RORA: variants seen among roughly 807,000 people sequenced by gnomAD.
RORA encodes the protein RAR related orphan receptor A.
In RORA, 7 loss-of-function variants were observed where a neutral mutation model predicts 69.5. The ratio of observed to expected loss-of-function variants is 0.10; its 90% CI spans 0.06 to 0.19. The LOEUF (loss-of-function observed/expected upper bound fraction) is 0.19. RORA is among the 10% of genes least tolerant of loss of function. RORA has a pLI of 1.00. For synonymous variants in RORA, 261 were observed against 240.8 expected (o/e 1.08, Z -0.78); for missense variants, 457 against 663.0 (o/e 0.69, Z 3.41).
chr15:60,579,269 T>G (rs1303882431), intron 2 of RORA, among the ~76,000 whole-genome samples: 2 of 152,134 alleles, frequency 1.3e-5, no homozygotes, highest in African/African-American at 4.8e-5. Flanking sequence ...GGTTTTTATC[T>G]CTTGGAGCTT....
At chr15:60,650,685 G>C (rs943531060) in intron 2 of RORA, 2 of 152,166 alleles carry the variant, frequency 1.3e-5, no homozygotes, top group Non-Finnish European at 2.9e-5. Flanking sequence ...TTCCACTCAG[G>C]AGTTTGCAAT....
chr15:61,108,127 G>T (rs2078969167), intron 1 of RORA, among the ~76,000 whole-genome samples: 1 of 152,098 alleles, frequency 6.6e-6, no homozygotes, highest in Non-Finnish European at 1.5e-5. Context: ...TATCTCCTCT[G>T]GTTCTATTCC....
At chr15:60,898,726 A>C (rs1038743993) in intron 1 of RORA, among the ~76,000 whole-genome samples, 1 of 152,052 alleles carries the variant, frequency 6.6e-6, no homozygotes, top group Admixed American at 6.5e-5. Flanking sequence ...TGGAGGCAGG[A>C]AAGGCAGAAC....
chr15:61,015,265 T>C (rs2140402143), intron 1 of RORA, among the ~76,000 whole-genome samples: 1 of 152,282 alleles, frequency 6.6e-6, no homozygotes, highest in East Asian at 1.9e-4. Flanking sequence ...TCCAAGGATT[T>C]GGGGAGGGAC....
Position 61,005,981 on chromosome 15 carries a change from T to A in RORA, c.166+223072A>T, listed in dbSNP as rs547454053. Among the ~76,000 whole-genome samples the A allele has an allele frequency of 2.5e-3, 369 of 149,704 alleles. 2 individuals are homozygous for A. Among genetic ancestry groups the A allele is most frequent in the African/African-American group, 8.6e-3 (352 of 40,840 alleles). On this transcript the variant is annotated intron_variant, in intron 1 of 10. Transcript: ENST00000335670. ...TTTGTTTTGTTTTGTTTTGTTTTGTTTTTTTTGAGAAGGAGTCTCGCTCTG... is the reference window on the plus strand; with the variant it reads ...TTTGTTTTGTTTTGTTTTGTTTTGTATTTTTTGAGAAGGAGTCTCGCTCTG...
At chr15:60,790,380 G>A (rs1022192201) in intron 1 of RORA, among the ~76,000 whole-genome samples, 10 of 152,210 alleles carry the variant, frequency 6.6e-5, no homozygotes, top group African/African-American at 2.4e-4. Flanking sequence ...GATGTTGAAG[G>A]GAAGTGCACC....
intron 2 of RORA, among the ~76,000 whole-genome samples, chr15:60,614,714 C>T (rs1471836686): frequency 6.6e-6 from 1 of 152,162 alleles, no homozygotes; most frequent in Non-Finnish European, 1.5e-5. Context: ...ACCCACTAGC[C>T]ATGTGTGCTG....
chr15:61,172,091 T>C lies in RORA; in HGVS notation c.166+56962A>G, dbSNP rs796585111. On this transcript the variant is annotated intron_variant, in intron 1 of 10. Coordinates refer to ENST00000335670, the MANE Select transcript of RORA (RefSeq NM_134261.3). ...AGAAGCATTTTATGAGAACAATATA[T>C]ATTGTAGACATCTGAATATATTTCC... Among the ~76,000 whole-genome samples, 6 of 152,196 alleles carry C rather than the reference T, an allele frequency of 3.9e-5. No individual in the cohort carries two copies. In the South Asian group the frequency reaches 1.0e-3, roughly 26 times the overall value.
At chr15:60,499,462 CAGA>C (rs2065264108) in intron 10 of RORA, among the ~76,000 whole-genome samples, 1 of 152,164 alleles carries the variant, frequency 6.6e-6, no homozygotes, top group African/African-American at 2.4e-5. Context: ...CTTTTGAGCC[CAGA>C]AGTTCAGGGT....
At chr15:60,655,016 C>T (rs1049693027) in intron 2 of RORA, among the ~76,000 whole-genome samples, 2 of 152,106 alleles carry the variant, frequency 1.3e-5, no homozygotes, top group Non-Finnish European at 2.9e-5. Context: ...GAAACGAATA[C>T]ACTTGTTTAC....
At position 60,531,674 on chromosome 15, in the gene RORA, G is replaced by A; in HGVS notation, c.282+92C>T. On this transcript the variant is annotated intron_variant, in intron 3 of 10. Transcript: ENST00000335670. This position sits in a 1 kb window ranked among gnomAD's most constrained non-coding sequence, Gnocchi z 4.8. ...TTCTTATCATTCAAAATTCTAAGGAGTTGAATTTTAAGACATAAGTGGAGA... is the reference window on the plus strand; with the variant it reads ...TTCTTATCATTCAAAATTCTAAGGAATTGAATTTTAAGACATAAGTGGAGA... 1.5e-6 allele frequency: 1 copy of A among 684,336 alleles called. No homozygotes were observed. The highest frequency in any genetic ancestry group is 3.5e-5 in the Admixed American group (1 of 28,222). The allele number at this position is 684,336 out of a possible 1,614,324, so 42.4% of individuals were successfully genotyped here.
At chr15:61,066,879 C>CAAA (rs33936803) in intron 1 of RORA, among the ~76,000 whole-genome samples, 7 of 71,288 alleles carry the variant, frequency 9.8e-5, no homozygotes, top group East Asian at 5.3e-4. Context: ...TTCATAAGAC[C>CAAA]AAAAAAAAAA....
chr15:61,118,705 T>G (rs1260984941), intron 1 of RORA, among the ~76,000 whole-genome samples: 1 of 151,814 alleles, frequency 6.6e-6, no homozygotes, highest in Non-Finnish European at 1.5e-5. Context: ...TTTCCTTCTG[T>G]GACACTCTCC....
chr15:61,083,229 C>T (rs767918113), intron 1 of RORA, among the ~76,000 whole-genome samples: 2 of 152,188 alleles, frequency 1.3e-5, no homozygotes, highest in Non-Finnish European at 2.9e-5. Context: ...GCTTCCCTCT[C>T]CCAGCCTGAA....
At chr15:61,204,375 G>C (rs1186972628) in intron 1 of RORA, among the ~76,000 whole-genome samples, 1 of 152,194 alleles carries the variant, frequency 6.6e-6, no homozygotes, top group Admixed American at 6.5e-5. Context: ...GATTGTAATG[G>C]CAATCAATGA....
At chr15:61,060,546 A>C (rs923835247) in intron 1 of RORA, among the ~76,000 whole-genome samples, 12 of 152,138 alleles carry the variant, frequency 7.9e-5, no homozygotes, top group Non-Finnish European at 1.5e-4. Flanking sequence ...ATCCAGGTAA[A>C]TAACACCTCT....
At chr15:61,152,076 A>C (rs2079402794) in intron 1 of RORA, among the ~76,000 whole-genome samples, 1 of 152,228 alleles carries the variant, frequency 6.6e-6, no homozygotes, top group Admixed American at 6.5e-5. Flanking sequence ...CTCTATATGC[A>C]AACTAAAAAC....
intron 1 of RORA, among the ~76,000 whole-genome samples, chr15:61,210,515 C>T (rs912719475): frequency 6.6e-6 from 1 of 152,150 alleles, no homozygotes; most frequent in Non-Finnish European, 1.5e-5. Context: ...AACTGCACAA[C>T]CTCTAACTTA....
chr15:60,661,072 A>G (rs1205670465), intron 2 of RORA, among the ~76,000 whole-genome samples: 4 of 133,056 alleles, frequency 3.0e-5, no homozygotes, highest in African/African-American at 1.1e-4. Context: ...AAAAAAAAAT[A>G]GAGGAGTTAT....
Sources: gnomAD v4.1 joint callset for allele counts (sites outside exome capture counted in the v4.1 genomes callset) on GRCh38, gnomAD v4.1.1 for gene constraint, Gnocchi (gnomAD v3.1) non-coding constraint, MANE v1.5 for transcripts, NCBI Gene and HGNC (gene_info 2026-07-23, HGNC 2026-07-21) for gene names.